The following RBBP8 variants were observed in gnomAD, a reference collection of about 807,000 sequenced individuals.
RBBP8 encodes RB binding protein 8, endonuclease.
RBBP8 carries 88 observed loss-of-function variants against 108.3 expected under a neutral mutation model. The observed-to-expected ratio is 0.81, with a 90% confidence interval of 0.68 to 0.97. The LOEUF is 0.97. RBBP8 is among the 50% of genes least tolerant of loss of function. RBBP8 has a pLI of 0.00. For synonymous variants in RBBP8, 332 were observed against 348.2 expected (o/e 0.95, Z 0.52); for missense variants, 1,023 against 1,049.0 (o/e 0.98, Z 0.34).
intron 1 of RBBP8, among the ~76,000 whole-genome samples, chr18:22,935,827 T>A (rs1412650263): frequency 6.6e-6 from 1 of 152,242 alleles, no homozygotes; most frequent in Non-Finnish European, 1.5e-5. Flanking sequence ...ATGATTCACC[T>A]TTATTCTAAG....
At position 23,022,235 on chromosome 18, in the gene RBBP8, T is replaced by C. The variant is rs1359966468; in HGVS notation, c.2561T>C (p.Val854Ala). ...PPNTPENFWE[V>A]GFPSTQTCME... is the part of the protein sequence containing the mutation. ...AACACACCAGAGAATTTTTGGGAAG[T>C]TGGTTTTCCTTCCACTCAGACTTGT... Residue 854 changes from valine to alanine, a missense_variant, in exon 18 of 19, where the codon GTT becomes GCT. Transcript: ENST00000327155. 6.2e-7 allele frequency: 1 copy of C among 1,612,290 alleles called. No individual in the cohort carries two copies. The highest frequency in any genetic ancestry group is 8.5e-7 in the Non-Finnish European group (1 of 1,178,506).
chr18:22,930,015 G>A (rs1909962907), upstream of RBBP8, among the ~76,000 whole-genome samples: 1 of 152,170 alleles, frequency 6.6e-6, no homozygotes, highest in African/African-American at 2.4e-5. Context: ...CCCAGCTGCA[G>A]GAGTTAAGCA....
Position 23,026,222 on chromosome 18 carries a change from C to G in RBBP8, c.2676C>G (p.Gly892=). ...ACAACGCAATATTTTCTCCAAAAGG[C>G]AAGGAGCAGAAGACATAGACGTTGA... The part of the protein sequence containing the change: ...QPYNAIFSPK[G]KEQKT The change falls in exon 19 of 19, where the codon GGC becomes GGG. Residue 892 remains glycine, a synonymous_variant. Coordinates refer to ENST00000327155, the MANE Select transcript of RBBP8 (RefSeq NM_002894.3). 6.2e-7 allele frequency: 1 copy of G among 1,613,446 alleles called. No homozygotes were observed. Among genetic ancestry groups the G allele is most frequent in the South Asian group, 1.1e-5 (1 of 91,034 alleles).
intron 13 of RBBP8, 117 bp downstream of exon 13, chr18:22,996,579 A>T: frequency 6.8e-7 from 1 of 1,478,216 alleles, no homozygotes; most frequent in Non-Finnish European, 9.0e-7. Flanking sequence ...CTTAAAACCT[A>T]CATGTATTTA....
At chr18:22,928,949 C>T (rs886318795), upstream of RBBP8, among the ~76,000 whole-genome samples, 2 of 152,124 alleles carry the variant, frequency 1.3e-5, no homozygotes, top group East Asian at 1.9e-4. Context: ...GGATTATAGG[C>T]GTAAGCTACC....
chr18:22,980,245 CA>C (rs961513562), intron 6 of RBBP8, among the ~76,000 whole-genome samples: 1 of 149,874 alleles, frequency 6.7e-6, no homozygotes, highest in African/African-American at 2.5e-5. Flanking sequence ...GACTCAGACT[CA>C]AAAAAAAATC....
intron 2 of RBBP8, among the ~76,000 whole-genome samples, chr18:22,937,269 A>G (rs1183323581): frequency 6.7e-6 from 1 of 149,590 alleles, no homozygotes; most frequent in Non-Finnish European, 1.5e-5. Flanking sequence ...GTCCATGTGT[A>G]CTAAATGTGT....
chr18:22,975,628 T>C (rs1914444666), intron 6 of RBBP8, among the ~76,000 whole-genome samples: 1 of 151,962 alleles, frequency 6.6e-6, no homozygotes, highest in Non-Finnish European at 1.5e-5. Context: ...TTTTCTCCCT[T>C]TTCTCCCCAT....
At chr18:22,981,603 G>C (rs1914935607) in intron 6 of RBBP8, among the ~76,000 whole-genome samples, 1 of 152,204 alleles carries the variant, frequency 6.6e-6, no homozygotes, top group African/African-American at 2.4e-5. Flanking sequence ...ATCATTGTTA[G>C]TGTTCTCATC....
At position 22,982,403 on chromosome 18, in the gene RBBP8, G is replaced by A; in HGVS notation, c.604+10G>A. Reference sequence around the variant, plus strand: ...TCTGTGTGTGCAAATGGTAAGAGTTGGAGTTGTATTTTAGTTCTCTGGTTT... The same window carrying A: ...TCTGTGTGTGCAAATGGTAAGAGTTAGAGTTGTATTTTAGTTCTCTGGTTT... On this transcript the variant is annotated intron_variant, in intron 7 of 18. Transcript: ENST00000327155. The A allele has an allele frequency of 6.2e-7, 1 of 1,613,552 alleles. No individual in the cohort carries two copies. Among genetic ancestry groups the A allele is most frequent in the Non-Finnish European group, 8.5e-7 (1 of 1,179,890 alleles).
chr18:22,997,668 A>G lies in RBBP8; in HGVS notation c.2077A>G (p.Thr693Ala). ...AGGAGAGACAGTGGACATGGACTGT[A>G]CATTGGTTAGTGAAACCGTTCTCTT... ...LGGETVDMDC[T>A]LVSETVLLKM... Residue 693 changes from threonine (T) to alanine (A), a missense_variant, in exon 14 of 19, where the codon ACA becomes GCA. By Grantham distance (58) the Thr-to-Ala change is moderately conservative. Transcript: ENST00000327155. 1.2e-6 allele frequency: 2 copies of G among 1,611,100 alleles called. No homozygotes were observed.
At chr18:22,962,231 T>C (rs940837760) in intron 4 of RBBP8, among the ~76,000 whole-genome samples, 8 of 151,342 alleles carry the variant, frequency 5.3e-5, no homozygotes, top group African/African-American at 1.9e-4. Context: ...CCTTCTGACT[T>C]TTTTTTTTCT....
At chr18:22,950,749 A>C (rs888681266) in intron 4 of RBBP8, among the ~76,000 whole-genome samples, 2 of 152,166 alleles carry the variant, frequency 1.3e-5, no homozygotes, top group African/African-American at 2.4e-5. Flanking sequence ...GCAAGAACTC[A>C]TCTCTACAAA....
At chr18:22,955,372 ATTTAATTAAGCTGAAGATC>A in intron 4 of RBBP8, among the ~76,000 whole-genome samples, 1 of 152,262 alleles carries the variant, frequency 6.6e-6, no homozygotes, top group Non-Finnish European at 1.5e-5. Context: ...ATGAAGCTCC[ATTTAATTAAGCTGAAGATC>A]TGTTTTTTTA....
intron 4 of RBBP8, among the ~76,000 whole-genome samples, chr18:22,954,288 AAAGC>A (rs1247447269): frequency 6.6e-6 from 1 of 152,210 alleles, no homozygotes; most frequent in Non-Finnish European, 1.5e-5. Context: ...TGTAAAATCA[AAAGC>A]AAGTTAGTTA....
chr18:22,953,565 ACT>A (rs1026808761), intron 4 of RBBP8, among the ~76,000 whole-genome samples: 1 of 151,486 alleles, frequency 6.6e-6, no homozygotes, highest in South Asian at 2.1e-4. Context: ...TCTTCAAAAC[ACT>A]CTTCATTTTA....
chr18:22,924,644 A>C (rs528672661), intron 3 of RBBP8, among the ~76,000 whole-genome samples: 14 of 151,720 alleles, frequency 9.2e-5, no homozygotes, highest in Non-Finnish European at 1.3e-4. Context: ...GCTGGTCTCA[A>C]ACTTCTGGGC....
chr18:22,984,753 A>C, intron 7 of RBBP8, 133 bp from the exon 8 acceptor site: 1 of 544,336 alleles, frequency 1.8e-6, no homozygotes, highest in Non-Finnish European at 3.2e-6. Context: ...TTATGTCAAT[A>C]AAACAGTACT....
At chr18:23,022,661 A>AT (rs1394942976) in intron 18 of RBBP8, among the ~76,000 whole-genome samples, 7 of 46,454 alleles carry the variant, frequency 1.5e-4, no homozygotes, top group Non-Finnish European at 4.0e-4. Flanking sequence ...TATAAAATAA[A>AT]ATAAAATAAA....
Sources: allele counts gnomAD v4.1 joint callset (sites outside exome capture counted in the v4.1 genomes callset), GRCh38; gene constraint gnomAD v4.1.1; transcripts MANE v1.5; gene names NCBI Gene and HGNC (gene_info 2026-07-23, HGNC 2026-07-21).